The following MGST2 variants were observed in gnomAD, a reference collection of about 807,000 sequenced individuals.
MGST2 encodes the protein microsomal glutathione S-transferase 2, also known as glutathione peroxidase MGST2.
MGST2 carries 9 observed loss-of-function variants against 16.6 expected under a neutral mutation model. That is an observed-to-expected ratio of 0.54 (90% CI 0.33 to 0.95). MGST2 has a LOEUF of 0.95. MGST2 is among the 40% of genes least tolerant of loss of function. The pLI is 0.03. For synonymous variants in MGST2, 79 were observed against 68.0 expected (o/e 1.16, Z -0.79); for missense variants, 159 against 175.1 (o/e 0.91, Z 0.52).
chr4:139,723,951 G>T (rs191957003), intron 5 of MGST2, among the ~76,000 whole-genome samples: 31 of 152,304 alleles, frequency 2.0e-4, no homozygotes, highest in Admixed American at 5.9e-4. Context: ...GGTGCTTTCA[G>T]TGCAGGCTAA....
intron 3 of MGST2, chr4:139,698,284 C>T: frequency 8.1e-7 from 1 of 1,236,002 alleles, no homozygotes. Context: ...TGCAAAGCAC[C>T]GATAGCTGCG....
At chr4:139,695,071 TTAAACTCTTTTGTAAGTTCTTA>T in intron 2 of MGST2, 104 bp from the exon 3 acceptor site, 4 of 698,072 alleles carry the variant, frequency 5.7e-6, no homozygotes, top group Non-Finnish European at 1.0e-5. Context: ...TAAAGGTCAT[TTAAACTCTTTTGTAAGTTCTTA>T]TATTTTGTTA....
intron 1 of MGST2, among the ~76,000 whole-genome samples, chr4:139,676,693 A>T (rs1399238146): frequency 6.6e-6 from 1 of 152,248 alleles, no homozygotes; most frequent in Non-Finnish European, 1.5e-5. Flanking sequence ...ACAACTAGGC[A>T]CCGTATGCTA....
At chr4:139,671,947 C>A (rs1005427927) in intron 1 of MGST2, among the ~76,000 whole-genome samples, 5 of 152,022 alleles carry the variant, frequency 3.3e-5, no homozygotes, top group African/African-American at 1.2e-4. Flanking sequence ...TGGCCCCACT[C>A]TCATCATATT....
downstream of MGST2, among the ~76,000 whole-genome samples, chr4:139,742,869 G>A (rs1729211386): frequency 6.6e-6 from 1 of 152,070 alleles, no homozygotes; most frequent in Non-Finnish European, 1.5e-5. Context: ...CAAAGATGGA[G>A]GTTATGCACC....
intron 1 of MGST2, 32 bp downstream of exon 1, chr4:139,666,109 CGTGTGTGCGTGTGTGT>C (rs1730329543): frequency 2.1e-6 from 3 of 1,418,482 alleles, no homozygotes; most frequent in Non-Finnish European, 2.8e-6. Context: ...TGTGTGTGCG[CGTGTGTGCGTGTGTGT>C]GTGTGTGTGA....
intron 5 of MGST2, among the ~76,000 whole-genome samples, chr4:139,738,058 A>G (rs1729013319): frequency 6.6e-6 from 1 of 152,172 alleles, no homozygotes; most frequent in African/African-American, 2.4e-5. Flanking sequence ...AACAGTGTAC[A>G]TTGGGGGAAC....
At chr4:139,672,105 T>A (rs990329491) in intron 1 of MGST2, among the ~76,000 whole-genome samples, 1 of 152,122 alleles carries the variant, frequency 6.6e-6, no homozygotes, top group African/African-American at 2.4e-5. Flanking sequence ...ACCTCTTCCA[T>A]TTACTGAAGC....
chr4:139,752,957 T>C, the MGST2 span, among the ~76,000 whole-genome samples: 1 of 152,170 alleles, frequency 6.6e-6, no homozygotes, highest in Non-Finnish European at 1.5e-5. Context: ...GGTGATTTTT[T>C]TGAACCTATC....
At position 139,665,896 on chromosome 4, in the gene MGST2, T is replaced by C. The variant is rs1032813777; in HGVS notation, c.-124T>C. The C allele has an allele frequency of 9.6e-6, 9 of 938,104 alleles. No homozygotes were observed. Among genetic ancestry groups the C allele is most frequent in the Non-Finnish European group, 1.5e-5 (9 of 585,084 alleles). The allele number at this position is 938,104 out of a possible 1,614,324, so 58.1% of individuals were successfully genotyped here. On this transcript the variant is annotated 5_prime_UTR_variant, in exon 1 of 5. Transcript: ENST00000265498. ...TCCAGAGCAAAGGTCATTCAGCCGC[T>C]TGAATCAGCCTTTTCCCCCCACCCG...
At chr4:139,725,709 C>T in intron 5 of MGST2, 1 of 1,583,174 alleles carries the variant, frequency 6.3e-7, no homozygotes, top group South Asian at 1.1e-5. Flanking sequence ...TTACGCTTCA[C>T]CACTGGAAGG....
chr4:139,741,735 A>G (rs1729171424), downstream of MGST2, among the ~76,000 whole-genome samples: 1 of 152,220 alleles, frequency 6.6e-6, no homozygotes, highest in Non-Finnish European at 1.5e-5. Flanking sequence ...TGACAGAGTG[A>G]GACCCTGTCT....
rs999012184 is a variant in MGST2 at position 139,693,662 on chromosome 4, A to T, written c.159-1535A>T. On this transcript the variant is annotated intron_variant, in intron 2 of 4. Coordinates refer to ENST00000265498, the MANE Select transcript of MGST2 (RefSeq NM_002413.5). ...AACCATCAGAAGCAAAATCATGCCA[A>T]GAACGAGAAGCAGCAGGAGGAAAAA... is the stretch of plus-strand genomic sequence containing the variant. Among the ~76,000 whole-genome samples the T allele has an allele frequency of 4.6e-5, 7 of 152,216 alleles. No homozygotes were observed. In the East Asian group the frequency reaches 1.3e-3, roughly 29 times the overall value.
At chr4:139,752,687 G>A in the MGST2 span, among the ~76,000 whole-genome samples, 8 of 152,020 alleles carry the variant, frequency 5.3e-5, no homozygotes, top group Non-Finnish European at 8.8e-5. Flanking sequence ...TATTTCTCCC[G>A]AGAGAGCATG....
intron 5 of MGST2, chr4:139,730,762 G>A: frequency 8.4e-7 from 1 of 1,183,474 alleles, no homozygotes; most frequent in Non-Finnish European, 1.2e-6. Context: ...CGGGGCAGAA[G>A]TCCCAGCTTA....
intron 5 of MGST2, among the ~76,000 whole-genome samples, chr4:139,738,711 T>C (rs775548089): frequency 6.6e-6 from 1 of 150,806 alleles, no homozygotes; most frequent in African/African-American, 2.4e-5. Flanking sequence ...GAAAAAAAGG[T>C]ACAGAGAAAA....
chr4:139,718,489 C>G (rs1247811974), intron 5 of MGST2: 1 of 152,248 alleles, frequency 6.6e-6, no homozygotes, highest in Admixed American at 6.5e-5. Flanking sequence ...CCCTGCCCTG[C>G]GGCCGCCAGA....
At chr4:139,716,967 T>C (rs1238285304) in intron 5 of MGST2, 1 of 152,634 alleles carries the variant, frequency 6.6e-6, no homozygotes, top group African/African-American at 2.4e-5. Flanking sequence ...AGATGTCATC[T>C]GAAGTGCAAT....
chr4:139,682,232 T>G (rs1731279610), intron 2 of MGST2, among the ~76,000 whole-genome samples: 1 of 114,736 alleles, frequency 8.7e-6, no homozygotes. Context: ...TGTTAGAAGG[T>G]AATTGGTGCT....
Sources: allele counts gnomAD v4.1 joint callset (sites outside exome capture counted in the v4.1 genomes callset), GRCh38; gene constraint gnomAD v4.1.1; transcripts MANE v1.5; gene names NCBI Gene and HGNC (gene_info 2026-07-23, HGNC 2026-07-21).